MYH2: variants seen among roughly 807,000 people sequenced by gnomAD.
MYH2 encodes the protein myosin heavy chain 2, also known as myosin-2.
MYH2 carries 139 observed loss-of-function variants against 228.1 expected under a neutral mutation model. The observed-to-expected ratio is 0.61, with a 90% CI of 0.53 to 0.70. MYH2 has a LOEUF of 0.70. Among genes scored for constraint, MYH2 ranks in the 30% least tolerant of loss-of-function variants. The pLI, the probability that MYH2 is intolerant of heterozygous loss-of-function variation, is 0.00. For synonymous variants in MYH2, 796 were observed against 871.1 expected, an observed-to-expected ratio of 0.91 and a Z score of 1.52; for missense variants, 1,809 against 2,357.5, an observed-to-expected ratio of 0.77 and a Z score of 4.82.
Position 10,524,457 on chromosome 17 carries a change from G to C in MYH2, c.5175+9C>G. 1 of 1,614,096 alleles carries C rather than the reference G, an allele frequency of 6.2e-7. No individual in the cohort carries two copies. Among genetic ancestry groups the C allele is most frequent in the Admixed American group, 1.7e-5 (1 of 60,026 alleles). On this transcript the variant is annotated intron_variant, in intron 35 of 39. Transcript: ENST00000245503. This position sits in a 1 kb window ranked among gnomAD's most constrained non-coding sequence, Gnocchi z 4.7. ...TTTACTAAGGAGAGTTCTTTGTGCTGAATCCCACCTGGGTGTGCAGTAGCT... is the reference window on the plus strand; with the variant it reads ...TTTACTAAGGAGAGTTCTTTGTGCTCAATCCCACCTGGGTGTGCAGTAGCT...
In MYH2 at chr17:10,543,697, T is replaced by C. The variant is rs367975969; in HGVS notation, c.741+14A>G. ...CCAGTGAACAGCATCTATTAGCGTG[T>C]CCAAGAGACTTACAAAGCGAGAGGA... On this transcript the variant is annotated intron_variant, in intron 8 of 39. Coordinates refer to ENST00000245503, the MANE Select transcript of MYH2 (RefSeq NM_017534.6). 4.3e-6 allele frequency: 7 copies of C among 1,613,960 alleles called. No homozygotes were observed. Among genetic ancestry groups the C allele is most frequent in the Admixed American group, 1.7e-5 (1 of 60,008 alleles).
intron 21 of MYH2, 70 bp downstream of exon 21, chr17:10,533,215 A>G: frequency 6.3e-7 from 1 of 1,597,290 alleles, no homozygotes; most frequent in Non-Finnish European, 8.6e-7. Context: ...TCATAAGCTG[A>G]GTCTTAACTG....
At chr17:10,526,199 GATATTC>G (rs2073350602) in intron 30 of MYH2, among the ~76,000 whole-genome samples, 1 of 152,194 alleles carries the variant, frequency 6.6e-6, no homozygotes. Context: ...AACTACTCTA[GATATTC>G]AGTGAAGGCC....
rs1139428 is a variant in MYH2 at position 10,527,866 on chromosome 17, T to G, written c.3753A>C (p.Leu1251=). ...VETVSKAKGN[L]EKMCRTLEDQ... Reference sequence around the variant, plus strand: ...CCTCTAGAGTCCGGCACATTTTCTCTAGGTTTCCCTATAGAAGAAAAAGTA... The same window carrying G: ...CCTCTAGAGTCCGGCACATTTTCTCGAGGTTTCCCTATAGAAGAAAAAGTA... The change falls in exon 28 of 40, where the codon CTA becomes CTC. Residue 1251 remains leucine, a synonymous_variant. Coordinates refer to ENST00000245503, the MANE Select transcript of MYH2 (RefSeq NM_017534.6). 6.2e-7 allele frequency: 1 copy of G among 1,613,422 alleles called. No homozygotes were observed. The highest frequency in any genetic ancestry group is 1.1e-5 in the South Asian group (1 of 91,082).
At position 10,547,495 on chromosome 17, in the gene MYH2, A is replaced by T; in HGVS notation, c.328T>A (p.Tyr110Asn). 1 of 1,614,170 alleles carries T rather than the reference A, an allele frequency of 6.2e-7. No homozygotes were observed. The highest frequency in any genetic ancestry group is 1.1e-5 in the South Asian group (1 of 91,078). The change falls in exon 4 of 40, where the codon TAT (tyrosine) becomes AAT (asparagine). Residue 110 changes from tyrosine to asparagine, a missense_variant. Physicochemically the swap from Tyr to Asn is moderately radical, Grantham distance 143. Around this residue, in one of 9 missense-constraint regions of MYH2, gnomAD observed 373 missense variants for 620.4 expected, o/e 0.60. Coordinates refer to ENST00000245503, the MANE Select transcript of MYH2 (RefSeq NM_017534.6). ...PAVLYNLKERYAAWMIYTYSG... is the reference protein window; with the variant it reads ...PAVLYNLKERNAAWMIYTYSG... ...CTCACGTAGATCATCCAGGCTGCAT[A>T]ACGTTCTTTGAGGTTGTACAGCACA...
At position 10,523,145 on chromosome 17, in the gene MYH2, A is replaced by C; in HGVS notation, c.5618T>G (p.Leu1873Trp). The change falls in exon 39 of 40, where the codon TTG becomes TGG. Residue 1873 changes from leucine to tryptophan, a missense_variant. This residue lies in a region of MYH2 where 278 missense variants were observed against 308.5 expected (regional missense o/e 0.90). Transcript: ENST00000245503. ...CACTTTTGCCTGAAGTTTATCTACC[A>C]AATCTTGAAGCCTGAGAATATTCTT... is the stretch of plus-strand genomic sequence containing the variant. ...DRKNILRLQD[L>W]VDKLQAKVKS... 6.2e-7 allele frequency: 1 copy of C among 1,614,110 alleles called. No individual in the cohort carries two copies. The highest frequency in any genetic ancestry group is 8.5e-7 in the Non-Finnish European group (1 of 1,179,948).
At position 10,537,896 on chromosome 17, in the gene MYH2, A is replaced by G; in HGVS notation, c.1417-61T>C. The G allele has an allele frequency of 6.2e-7, 1 of 1,613,388 alleles. No homozygotes were observed. The highest frequency in any genetic ancestry group is 8.5e-7 in the Non-Finnish European group (1 of 1,179,500). Reference sequence around the variant, plus strand: ...AAATTGAGTATTTTTTAAAATACAGAACTTTTCCATTTTAAAAATATGTGT... The same window carrying G: ...AAATTGAGTATTTTTTAAAATACAGGACTTTTCCATTTTAAAAATATGTGT... On this transcript the variant is annotated intron_variant, in intron 14 of 39. Transcript: ENST00000245503. This position sits in a 1 kb window ranked among gnomAD's most constrained non-coding sequence, Gnocchi z 4.0.
chr17:10,535,002 T>A, intron 19 of MYH2, 71 bp downstream of exon 19: 1 of 1,519,762 alleles, frequency 6.6e-7, no homozygotes, highest in Non-Finnish European at 9.1e-7. Flanking sequence ...TATGTTTCAC[T>A]AAATTGTTTT....
At chr17:10,523,989 G>T in intron 35 of MYH2, 105 bp from the exon 36 acceptor site, 1 of 1,102,836 alleles carries the variant, frequency 9.1e-7, no homozygotes, top group Non-Finnish European at 1.3e-6. Context: ...GTCAAAAAAT[G>T]CCTTTTAATA....
chr17:10,530,237 A>G (rs2073409442), intron 22 of MYH2, among the ~76,000 whole-genome samples, 163 bp from the exon 23 acceptor site: 1 of 152,212 alleles, frequency 6.6e-6, no homozygotes, highest in African/African-American at 2.4e-5. Flanking sequence ...TACATTTTCC[A>G]CATGTGGGTA....
Position 10,547,702 on chromosome 17 carries a change from T to TG in MYH2, c.204+14dup. ...AAATCAATAAAATGTGGCAAGCTCCTGGGATTCTACTCACCGCTCCTCCCT... is the reference window on the plus strand; with the variant it reads ...AAATCAATAAAATGTGGCAAGCTCCTGGGGATTCTACTCACCGCTCCTCCCT... On this transcript the variant is annotated intron_variant, in intron 3 of 39. Coordinates refer to ENST00000245503, the MANE Select transcript of MYH2 (RefSeq NM_017534.6). 6.2e-7 allele frequency: 1 copy of TG among 1,614,192 alleles called. No individual in the cohort carries two copies. Among genetic ancestry groups the TG allele is most frequent in the Non-Finnish European group, 8.5e-7 (1 of 1,180,000 alleles).
chr17:10,532,344 T>C (rs1017490520), intron 21 of MYH2, among the ~76,000 whole-genome samples: 1 of 152,190 alleles, frequency 6.6e-6, no homozygotes, highest in African/African-American at 2.4e-5. Flanking sequence ...TTTAGGGGTA[T>C]ATGGGGCAGG....
At chr17:10,521,778 AT>A (rs561331213) in intron 39 of MYH2, among the ~76,000 whole-genome samples, 38 of 151,938 alleles carry the variant, frequency 2.5e-4, no homozygotes, top group South Asian at 6.3e-4. Context: ...CTTGAGTTAG[AT>A]TTTTTTTATC....
In MYH2 at chr17:10,525,669, A is replaced by G. The variant is rs771475237; in HGVS notation, c.4371+24T>C. The G allele has an allele frequency of 1.2e-6, 2 of 1,614,200 alleles. No homozygotes were observed. Among genetic ancestry groups the G allele is most frequent in the Non-Finnish European group, 1.7e-6 (2 of 1,180,038 alleles). On this transcript the variant is annotated intron_variant, in intron 31 of 39. Transcript: ENST00000245503. The surrounding 1 kb of genome is among the most constrained non-coding windows in gnomAD (Gnocchi z 4.2). Reference sequence around the variant, plus strand: ...GCAAAGACAAAAGAGTAGAGTAAAGAGCAGAAGATGCTGGAGGAATTACCT... The same window carrying G: ...GCAAAGACAAAAGAGTAGAGTAAAGGGCAGAAGATGCTGGAGGAATTACCT...
Position 10,537,864 on chromosome 17 carries a change from C to G in MYH2, c.1417-29G>C, listed in dbSNP as rs370783878. The G allele has an allele frequency of 9.9e-6, 16 of 1,614,116 alleles. No individual in the cohort carries two copies. Among genetic ancestry groups the G allele is most frequent in the Non-Finnish European group, 1.4e-5 (16 of 1,180,012 alleles). On this transcript the variant is annotated intron_variant, in intron 14 of 39. Transcript: ENST00000245503. This position sits in a 1 kb window ranked among gnomAD's most constrained non-coding sequence, Gnocchi z 4.0. ...AATAAATAGATATGTTTACTTCTCT[C>G]TTAAGCAAATTGAGTATTTTTTAAA...
At chr17:10,528,632 A>G (rs1346927959) in intron 27 of MYH2, 58 bp downstream of exon 27, 23 of 1,612,856 alleles carry the variant, frequency 1.4e-5, no homozygotes, top group Non-Finnish European at 1.9e-5. Flanking sequence ...CCCTGTGCAA[A>G]CTATGATGTG....
chr17:10,525,825 C>T lies in MYH2; in HGVS notation c.4239G>A (p.Val1413=). The T allele has an allele frequency of 6.2e-7, 1 of 1,614,164 alleles. No homozygotes were observed. The highest frequency in any genetic ancestry group is 8.5e-7 in the Non-Finnish European group (1 of 1,180,024). ...TTTCGAGGGAAGCACATTTGGCGTT[C>T]ACAGCTTCTACATGTTCCTCAGCTG... The part of the protein sequence containing the change: ...LQAAEEHVEA[V]NAKCASLEKT... Residue 1413 remains valine, a synonymous_variant, in exon 31 of 40, where the codon GTG becomes GTA. Coordinates refer to ENST00000245503, the MANE Select transcript of MYH2 (RefSeq NM_017534.6). The surrounding 1 kb of genome is among the most constrained non-coding windows in gnomAD (Gnocchi z 4.2).
intron 11 of MYH2, 53 bp from the exon 12 acceptor site, chr17:10,540,119 G>A: frequency 6.2e-7 from 1 of 1,608,816 alleles, no homozygotes; most frequent in Non-Finnish European, 8.5e-7. Flanking sequence ...CACGCTTACT[G>A]TTAATACTGC....
chr17:10,524,693 A>T lies in MYH2; in HGVS notation c.4972-24T>A. 6.2e-6 allele frequency: 10 copies of T among 1,614,224 alleles called. No homozygotes were observed. Among genetic ancestry groups the T allele is most frequent in the African/African-American group, 1.3e-5 (1 of 75,048 alleles). ...TCCTGTGAAACAAACCATCATTGAG[A>T]CATCATGTTCTCAGGGTTGCAGGCA... is the stretch of plus-strand genomic sequence containing the variant. On this transcript the variant is annotated intron_variant, in intron 34 of 39. Coordinates refer to ENST00000245503, the MANE Select transcript of MYH2 (RefSeq NM_017534.6). This position sits in a 1 kb window ranked among gnomAD's most constrained non-coding sequence, Gnocchi z 4.7.
Sources: allele counts gnomAD v4.1 joint callset (sites outside exome capture counted in the v4.1 genomes callset), GRCh38; gene constraint gnomAD v4.1.1; regional missense constraint gnomAD v4.1.1; non-coding constraint Gnocchi (gnomAD v3.1); transcripts MANE v1.5; gene names NCBI Gene and HGNC (gene_info 2026-07-23, HGNC 2026-07-21).